The following FAM81A variants were observed in gnomAD, a reference collection of about 807,000 sequenced individuals.
FAM81A encodes protein FAM81A.
A neutral mutation model predicts 46.7 loss-of-function variants in FAM81A; 19 were observed. That is an observed-to-expected ratio of 0.41 (90% CI 0.28 to 0.60). The LOEUF (loss-of-function observed/expected upper bound fraction) is 0.60, where lower values mean the gene tolerates loss of function less well. Among genes scored for constraint, FAM81A ranks in the 20% least tolerant of loss-of-function variants. The pLI, the probability that FAM81A is intolerant of heterozygous loss-of-function variation, is 0.34. For synonymous variants in FAM81A, 183 were observed against 152.9 expected, an observed-to-expected ratio of 1.20 and a Z score of -1.45; for missense variants, 377 against 453.5, an observed-to-expected ratio of 0.83 and a Z score of 1.53.
rs2082336562 is a variant in FAM81A at position 59,522,387 on chromosome 15, CTG to C, written c.*1011_*1012del. On this transcript the variant is annotated 3_prime_UTR_variant, in exon 9 of 9. Coordinates refer to ENST00000288228, the MANE Select transcript of FAM81A (RefSeq NM_152450.3). Reference sequence around the variant, plus strand: ...AAGTATGATGTAAAACTGGAATCCTCTGTATTTTTTAAATGTTCTAAAAATTT... The same window carrying C: ...AAGTATGATGTAAAACTGGAATCCTCTATTTTTTAAATGTTCTAAAAATTT... The C allele has an allele frequency of 6.6e-6, 1 of 152,618 alleles. No individual in the cohort carries two copies. Among genetic ancestry groups the C allele is most frequent in the Non-Finnish European group, 1.5e-5 (1 of 68,032 alleles). The allele number at this position is 152,618 out of a possible 1,614,324, so 9.5% of individuals were successfully genotyped here.
chr15:59,449,156 A>AT (rs1267604514), intron 1 of FAM81A, among the ~76,000 whole-genome samples: 1 of 152,158 alleles, frequency 6.6e-6, no homozygotes, highest in Non-Finnish European at 1.5e-5. Flanking sequence ...TGGAATTCCA[A>AT]TTTCATGGTC....
chr15:59,499,300 T>C (rs2082066327), intron 4 of FAM81A, among the ~76,000 whole-genome samples: 1 of 152,194 alleles, frequency 6.6e-6, no homozygotes, highest in Admixed American at 6.5e-5. Context: ...TTACCCCCAA[T>C]ACAGCTTTGC....
intron 2 of FAM81A, among the ~76,000 whole-genome samples, chr15:59,428,416 T>A (rs1159372625): frequency 5.3e-4 from 3 of 5,688 alleles, no homozygotes; most frequent in Admixed American, 2.6e-3. Flanking sequence ...CTTTTTGATA[T>A]TATTATTATT....
chr15:59,512,984 G>A (rs2082229135), intron 6 of FAM81A, among the ~76,000 whole-genome samples: 1 of 152,206 alleles, frequency 6.6e-6, no homozygotes, highest in Non-Finnish European at 1.5e-5. Context: ...TTCTTAATAA[G>A]GAAGAAGAAG....
At position 59,521,269 on chromosome 15, in the gene FAM81A, A is replaced by G. The variant is rs776356512; in HGVS notation, c.998A>G (p.Tyr333Cys). ...CTCCTTCAAGGGTTTACAGCCGTCT[A>G]TGAAAGCATAGGATCCCTCAGGCAA... ...AEVNAGFTAV[Y>C]ESIGSLRQVL... is the part of the protein sequence containing the mutation. Residue 333 changes from tyrosine (Y) to cysteine (C), a missense_variant, in exon 9 of 9, where the codon TAT becomes TGT. Transcript: ENST00000288228. The G allele has an allele frequency of 6.8e-6, 11 of 1,613,548 alleles. No individual in the cohort carries two copies. The highest frequency in any genetic ancestry group is 2.7e-5 in the African/African-American group (2 of 75,004).
chr15:59,513,589 T>A (rs1411431375), intron 6 of FAM81A, among the ~76,000 whole-genome samples: 1 of 152,220 alleles, frequency 6.6e-6, no homozygotes, highest in East Asian at 1.9e-4. Flanking sequence ...AAGGAAAATA[T>A]GTAATTCTGA....
chr15:59,429,753 A>G (rs2081211390), intron 2 of FAM81A, among the ~76,000 whole-genome samples: 1 of 152,262 alleles, frequency 6.6e-6, no homozygotes, highest in African/African-American at 2.4e-5. Flanking sequence ...CATGTGTAAA[A>G]TAAAATAGTT....
At chr15:59,401,187 C>G in intron 1 of FAM81A, 2 of 797,838 alleles carry the variant, frequency 2.5e-6, no homozygotes, top group Admixed American at 3.4e-5. Flanking sequence ...TCAATTGGTG[C>G]GTAGTCCTCA....
At chr15:59,512,379 G>A (rs12443331) in intron 6 of FAM81A, among the ~76,000 whole-genome samples, 48,651 of 149,724 alleles carry the variant, frequency 0.32, 9,435 homozygotes, top group Non-Finnish European at 0.43. Flanking sequence ...GGCTGAGGCC[G>A]GAGAATCACT....
intron 3 of FAM81A, among the ~76,000 whole-genome samples, chr15:59,483,849 C>T (rs1286733886): frequency 6.6e-6 from 1 of 152,198 alleles, no homozygotes; most frequent in African/African-American, 2.4e-5. Flanking sequence ...GGTCCAGGCT[C>T]ACTGCTTCGC....
intron 2 of FAM81A, among the ~76,000 whole-genome samples, chr15:59,425,663 T>C (rs949012767): frequency 6.6e-6 from 1 of 152,220 alleles, no homozygotes; most frequent in African/African-American, 2.4e-5. Flanking sequence ...TCTCACTCTG[T>C]TGCTTATACT....
At chr15:59,434,540 T>G (rs2081234792), upstream of FAM81A, among the ~76,000 whole-genome samples, 1 of 152,214 alleles carries the variant, frequency 6.6e-6, no homozygotes, top group South Asian at 2.1e-4. Flanking sequence ...CCCTGGAAAC[T>G]TTCTGCCCTT....
chr15:59,493,052 C>T (rs2081997870), intron 4 of FAM81A, among the ~76,000 whole-genome samples: 1 of 152,186 alleles, frequency 6.6e-6, no homozygotes, highest in Non-Finnish European at 1.5e-5. Flanking sequence ...TATTTATGGG[C>T]CTCTTCTGCC....
chr15:59,451,876 T>C (rs1409014508), intron 1 of FAM81A, among the ~76,000 whole-genome samples: 1 of 152,236 alleles, frequency 6.6e-6, no homozygotes, highest in Non-Finnish European at 1.5e-5. Flanking sequence ...TTCAACAATA[T>C]GAAATTACTT....
In FAM81A at chr15:59,440,577, G is replaced by C. The variant is rs145185722; in HGVS notation, c.-78+2295G>C. On this transcript the variant is annotated intron_variant, in intron 1 of 8. Coordinates refer to ENST00000288228, the MANE Select transcript of FAM81A (RefSeq NM_152450.3). ...CTCAACATCTATCCCAGTAGCCTCAGTTTCCACTTTGCTTCAACTAACATC... is the reference window on the plus strand; with the variant it reads ...CTCAACATCTATCCCAGTAGCCTCACTTTCCACTTTGCTTCAACTAACATC... 4.3e-4 allele frequency among the ~76,000 whole-genome samples: 66 copies of C among 152,298 alleles called. 2 individuals are homozygous for C. Among genetic ancestry groups the C allele is most frequent in the African/African-American group, 1.4e-3 (59 of 41,568 alleles).
At chr15:59,519,117 A>G (rs576108162) in intron 8 of FAM81A, among the ~76,000 whole-genome samples, 50 of 151,778 alleles carry the variant, frequency 3.3e-4, no homozygotes, top group African/African-American at 1.2e-3. Flanking sequence ...TTTGACCTGC[A>G]TCTCCCCATT....
At chr15:59,505,272 G>A (rs779123419) in intron 4 of FAM81A, among the ~76,000 whole-genome samples, 3 of 152,138 alleles carry the variant, frequency 2.0e-5, no homozygotes, top group Non-Finnish European at 4.4e-5. Context: ...AGCACTTTGG[G>A]AGGCTGAGGC....
At chr15:59,435,875 G>T (rs145184728), upstream of FAM81A, among the ~76,000 whole-genome samples, 796 of 152,260 alleles carry the variant, frequency 5.2e-3, 9 homozygotes, top group South Asian at 0.016. Context: ...GGAAAAAATG[G>T]ATATTTCGTT....
intron 2 of FAM81A, among the ~76,000 whole-genome samples, chr15:59,426,276 C>G (rs535934517): frequency 6.6e-6 from 1 of 152,048 alleles, no homozygotes; most frequent in East Asian, 1.9e-4. Context: ...ATTTATTTCT[C>G]CTAACTCTGG....
Sources: allele counts gnomAD v4.1 joint callset (sites outside exome capture counted in the v4.1 genomes callset), GRCh38; gene constraint gnomAD v4.1.1; transcripts MANE v1.5; gene names NCBI Gene and HGNC (gene_info 2026-07-23, HGNC 2026-07-21).